Variants in MBOAT2 observed in about 807,000 individuals in gnomAD.
The protein encoded by MBOAT2 is membrane-bound glycerophospholipid O-acyltransferase 2.
MBOAT2 carries 28 observed loss-of-function variants against 63.4 expected under a neutral mutation model. The ratio of observed to expected loss-of-function variants is 0.44; its 90% CI spans 0.33 to 0.61. The LOEUF is 0.61. Among genes scored for constraint, MBOAT2 ranks in the 20% least tolerant of loss-of-function variants. The pLI is 0.03. For synonymous variants in MBOAT2, 211 were observed against 215.6 expected (o/e 0.98, Z 0.19); for missense variants, 470 against 605.8 (o/e 0.78, Z 2.35).
chr2:8,948,010 T>C (rs1455631857), intron 2 of MBOAT2, among the ~76,000 whole-genome samples: 1 of 152,226 alleles, frequency 6.6e-6, no homozygotes, highest in African/African-American at 2.4e-5. Flanking sequence ...TTCACCATTC[T>C]AGATGCCACT....
intron 2 of MBOAT2, among the ~76,000 whole-genome samples, chr2:8,953,410 A>G (rs1668981714): frequency 6.6e-6 from 1 of 152,186 alleles, no homozygotes; most frequent in African/African-American, 2.4e-5. Context: ...TGGTGACTAT[A>G]TGCCTTGCTG....
intron 3 of MBOAT2, among the ~76,000 whole-genome samples, chr2:8,936,802 A>G (rs907241703): frequency 3.5e-4 from 50 of 142,970 alleles, no homozygotes; most frequent in African/African-American, 1.0e-3. Flanking sequence ...AAAAAAAAAA[A>G]AAAGAAAAGA....
At chr2:8,994,070 C>G (rs374579365) in intron 1 of MBOAT2, among the ~76,000 whole-genome samples, 2 of 152,216 alleles carry the variant, frequency 1.3e-5, no homozygotes, top group African/African-American at 4.8e-5. Context: ...ACACAGCTAA[C>G]AAGGGACAGT....
intron 3 of MBOAT2, among the ~76,000 whole-genome samples, chr2:8,925,043 G>C (rs1298519378): frequency 6.6e-6 from 1 of 152,028 alleles, no homozygotes; most frequent in Non-Finnish European, 1.5e-5. Flanking sequence ...CAGAATCGTG[G>C]AGCAACTGAG....
intron 8 of MBOAT2, 119 bp downstream of exon 8, chr2:8,872,989 G>T: frequency 1.2e-6 from 1 of 807,040 alleles, no homozygotes; most frequent in Non-Finnish European, 1.9e-6. Flanking sequence ...CTACACAGAT[G>T]ACTTAATTTT....
rs1013251468 is a variant in MBOAT2, at chr2:8,995,736, A to G, written c.75+7804T>C. On this transcript the variant is annotated intron_variant, in intron 1 of 12. Transcript: ENST00000305997. ...CTCCCAAGTAGCTGGGACCACGGGCACCCGCCACCATGCCCGGCCTAATTT... is the reference window on the plus strand; with the variant it reads ...CTCCCAAGTAGCTGGGACCACGGGCGCCCGCCACCATGCCCGGCCTAATTT... 5.9e-5 allele frequency among the ~76,000 whole-genome samples: 9 copies of G among 151,888 alleles called. No homozygotes were observed. The South Asian group carries it at 1.2e-3, about 21-fold the overall frequency.
intron 2 of MBOAT2, among the ~76,000 whole-genome samples, chr2:8,956,596 G>C (rs1409858929): frequency 6.6e-6 from 1 of 152,160 alleles, no homozygotes; most frequent in Non-Finnish European, 1.5e-5. Flanking sequence ...AGGAGGCTGA[G>C]GTGGGAGGAT....
chr2:8,914,502 AC>A, intron 3 of MBOAT2, among the ~76,000 whole-genome samples: 1 of 151,800 alleles, frequency 6.6e-6, no homozygotes, highest in African/African-American at 2.4e-5. Flanking sequence ...AAAAAAAAAA[AC>A]AATGAAAGTG....
At chr2:8,964,869 G>A (rs1042707318) in intron 1 of MBOAT2, among the ~76,000 whole-genome samples, 1 of 151,946 alleles carries the variant, frequency 6.6e-6, no homozygotes, top group South Asian at 2.1e-4. Flanking sequence ...TATGTCTATT[G>A]GACATTTAGT....
rs1445554563 is a variant in MBOAT2 at position 8,959,494 on chromosome 2, C to T, written c.76-852G>A. On this transcript the variant is annotated intron_variant, in intron 1 of 12. Transcript: ENST00000305997. Reference sequence around the variant, plus strand: ...TTTTTTTTTTTAAGACAGGGTCTTGCTCTGTGGCCCAGGCTGGACTGCAGT... The same window carrying T: ...TTTTTTTTTTTAAGACAGGGTCTTGTTCTGTGGCCCAGGCTGGACTGCAGT... Among the ~76,000 whole-genome samples the T allele has an allele frequency of 2.0e-5, 3 of 147,978 alleles. No homozygotes were observed. The East Asian group carries it at 5.9e-4, about 29-fold the overall frequency.
At chr2:8,872,993 T>C in intron 8 of MBOAT2, 115 bp downstream of exon 8, 1 of 881,486 alleles carries the variant, frequency 1.1e-6, no homozygotes. Flanking sequence ...ACAGATGACT[T>C]AATTTTTCCA....
At chr2:8,866,036 C>CAAATAAAT (rs375237404) in intron 9 of MBOAT2, among the ~76,000 whole-genome samples, 92 of 151,820 alleles carry the variant, frequency 6.1e-4, no homozygotes, top group African/African-American at 2.0e-3. Flanking sequence ...GACTTTGTCT[C>CAAATAAAT]AAATAAATAA....
At chr2:8,885,446 G>A (rs376770116) in intron 5 of MBOAT2, among the ~76,000 whole-genome samples, 98 of 152,116 alleles carry the variant, frequency 6.4e-4, no homozygotes, top group African/African-American at 2.1e-3. Flanking sequence ...TCCAAAACCC[G>A]AATAAATCCA....
Position 8,918,957 on chromosome 2 carries a change from T to C in MBOAT2, c.300-10241A>G, listed in dbSNP as rs574275419. ...CTAGGCAACCACCGATCATTTTCTG[T>C]CTCTAGATCTGTCTTTTCTGGGAGT... On this transcript the variant is annotated intron_variant, in intron 3 of 12. Transcript: ENST00000305997. 4.4e-4 allele frequency among the ~76,000 whole-genome samples: 67 copies of C among 152,288 alleles called. 2 individuals carry two copies. In the South Asian group the frequency reaches 0.013, roughly 30 times the overall value.
intron 3 of MBOAT2, among the ~76,000 whole-genome samples, chr2:8,917,265 C>T (rs1050411199): frequency 1.3e-5 from 2 of 151,926 alleles, no homozygotes; most frequent in African/African-American, 2.4e-5. Context: ...TTCACTTCAT[C>T]AAAATTTAAA....
rs551330458 is a variant in MBOAT2 at position 8,933,384 on chromosome 2, T to C, written c.299+9803A>G. Among the ~76,000 whole-genome samples, 6 of 152,332 alleles carry C rather than the reference T, an allele frequency of 3.9e-5. No homozygotes were observed. In the East Asian group the frequency reaches 1.2e-3, roughly 29 times the overall value. On this transcript the variant is annotated intron_variant, in intron 3 of 12. Transcript: ENST00000305997. ...AGAGGGCAGAAACAGGGTCTTGCTC[T>C]GTTGCCCAGGCTGGAGTACAGTGGC...
At chr2:8,914,025 AC>A (rs1390765514) in intron 3 of MBOAT2, among the ~76,000 whole-genome samples, 1 of 152,252 alleles carries the variant, frequency 6.6e-6, no homozygotes, top group Non-Finnish European at 1.5e-5. Context: ...ATTTGCAGTA[AC>A]CTGGATGAGA....
intron 1 of MBOAT2, among the ~76,000 whole-genome samples, chr2:8,975,812 A>C (rs1307172398): frequency 6.6e-6 from 1 of 151,930 alleles, no homozygotes. Flanking sequence ...AAAAAAAAAA[A>C]AACGATGGCC....
intron 8 of MBOAT2, among the ~76,000 whole-genome samples, chr2:8,871,902 A>C (rs1381620801): frequency 6.6e-6 from 1 of 152,242 alleles, no homozygotes; most frequent in Non-Finnish European, 1.5e-5. Flanking sequence ...ACACAATCTT[A>C]AGAATAAAGG....
Sources: allele counts gnomAD v4.1 joint callset (sites outside exome capture counted in the v4.1 genomes callset), GRCh38; gene constraint gnomAD v4.1.1; transcripts MANE v1.5; gene names NCBI Gene and HGNC (gene_info 2026-07-23, HGNC 2026-07-21).